ARHGAP35: variants seen among roughly 807,000 people sequenced by gnomAD.
ARHGAP35 encodes the protein Rho GTPase activating protein 35.
A neutral mutation model predicts 111.1 loss-of-function variants in ARHGAP35; 15 were observed. The observed-to-expected ratio is 0.13, with a 90% CI of 0.09 to 0.21. The LOEUF is 0.21. Ranked by LOEUF, ARHGAP35 falls within the 10% of genes least tolerant of loss-of-function variation. The probability of loss-of-function intolerance (pLI) is 1.00; values close to 1 mark genes in which losing one functional copy is unlikely to be tolerated. For missense variants in ARHGAP35, 1,262 were observed against 1,873.0 expected (o/e 0.67, Z 6.02); for synonymous variants, 643 against 710.3 (o/e 0.91, Z 1.51).
intron 2 of ARHGAP35, among the ~76,000 whole-genome samples, chr19:46,928,988 C>T (rs567798849): frequency 1.0e-4 from 8 of 77,076 alleles, no homozygotes; most frequent in South Asian, 1.1e-3. Context: ...GACATGTCTC[C>T]GTTTCTTTCT....
chr19:46,907,132 A>G (rs528473070), intron 1 of ARHGAP35, among the ~76,000 whole-genome samples: 1 of 152,296 alleles, frequency 6.6e-6, no homozygotes, highest in South Asian at 2.1e-4. Flanking sequence ...TATTAATAAT[A>G]AGAAATATGT....
At position 46,999,119 on chromosome 19, in the gene ARHGAP35, G is replaced by C. The variant is rs2056731912; in HGVS notation, c.4037-185G>C. 1 of 587,738 alleles carries C rather than the reference G, an allele frequency of 1.7e-6. No homozygotes were observed. The highest frequency in any genetic ancestry group is 3.0e-6 in the Non-Finnish European group (1 of 330,672). 36.4% of individuals were successfully genotyped at this position (587,738 alleles called of 1,614,324 possible). Reference sequence around the variant, plus strand: ...GGGCCTGGGACACAGAGGTGGGCCAGACCCCTGGGCCAGTGCCACTGCCAG... The same window carrying C: ...GGGCCTGGGACACAGAGGTGGGCCACACCCCTGGGCCAGTGCCACTGCCAG... On this transcript the variant is annotated intron_variant, in intron 5 of 6. Transcript: ENST00000672722. This position sits in a 1 kb window ranked among gnomAD's most constrained non-coding sequence, Gnocchi z 5.4.
chr19:46,978,720 T>C (rs1239054006), intron 3 of ARHGAP35, among the ~76,000 whole-genome samples: 114 of 31,820 alleles, frequency 3.6e-3, no homozygotes, highest in African/African-American at 0.017. Flanking sequence ...TGTGGTGGGA[T>C]GTGTGTGTGG....
intron 3 of ARHGAP35, among the ~76,000 whole-genome samples, chr19:46,953,192 C>T (rs1219112503): frequency 1.3e-5 from 2 of 152,022 alleles, no homozygotes; most frequent in African/African-American, 2.4e-5. Flanking sequence ...CATTATAACC[C>T]GGGGGGAGAC....
intron 2 of ARHGAP35, among the ~76,000 whole-genome samples, chr19:46,930,211 T>C (rs2056264628): frequency 6.6e-6 from 1 of 151,772 alleles, no homozygotes; most frequent in South Asian, 2.1e-4. Flanking sequence ...TACAAAATAT[T>C]ATCTGGGCGC....
intron 1 of ARHGAP35, among the ~76,000 whole-genome samples, chr19:46,886,752 T>C (rs2055995047): frequency 6.7e-6 from 1 of 150,142 alleles, no homozygotes; most frequent in African/African-American, 2.4e-5. Context: ...TGCGATATGA[T>C]TGAATTTCTA....
intron 1 of ARHGAP35, among the ~76,000 whole-genome samples, chr19:46,898,588 A>T (rs1397295156): frequency 6.6e-6 from 1 of 152,122 alleles, no homozygotes; most frequent in African/African-American, 2.4e-5. Context: ...TTATTGTATC[A>T]GTTATTGTCC....
intron 1 of ARHGAP35, among the ~76,000 whole-genome samples, chr19:46,886,391 T>G (rs1395548627): frequency 2.0e-5 from 3 of 147,918 alleles, no homozygotes; most frequent in Non-Finnish European, 3.0e-5. Flanking sequence ...GTAAGGGAGG[T>G]TTTTTTTTTC....
chr19:47,000,345 A>G lies in ARHGAP35; in HGVS notation c.4157A>G (p.Asn1386Ser), dbSNP rs903001277. The G allele has an allele frequency of 6.2e-7, 1 of 1,613,828 alleles. No individual in the cohort carries two copies. The highest frequency in any genetic ancestry group is 8.5e-7 in the Non-Finnish European group (1 of 1,179,824). Reference protein sequence around the residue: ...ISHLNKVSHNNKVNLMTSENL... With the variant: ...ISHLNKVSHNSKVNLMTSENL... ...GTCGCCCGCAGGGTCAGCCACAACA[A>G]CAAGGTGAATCTCATGACCAGCGAG... Residue 1386 changes from asparagine to serine, a missense_variant, in exon 7 of 7, where the codon AAC (asparagine) becomes AGC (serine). Physicochemically the swap from Asn to Ser is conservative, Grantham distance 46 (BLOSUM62 1). Transcript: ENST00000672722. This position sits in a 1 kb window ranked among gnomAD's most constrained non-coding sequence, Gnocchi z 6.9.
intron 1 of ARHGAP35, among the ~76,000 whole-genome samples, chr19:46,907,539 C>T (rs2056116343): frequency 6.6e-6 from 1 of 151,588 alleles, no homozygotes; most frequent in Non-Finnish European, 1.5e-5. Flanking sequence ...CCAGCAGTGG[C>T]GCGAACTCGG....
intron 3 of ARHGAP35, among the ~76,000 whole-genome samples, chr19:46,977,919 C>T (rs1002699953): frequency 3.9e-5 from 6 of 152,172 alleles, no homozygotes; most frequent in African/African-American, 7.2e-5. Context: ...CCCAGAGTGC[C>T]GGCACTGCGT....
At position 46,922,367 on chromosome 19, in the gene ARHGAP35, A is replaced by AGTGTCTTATGTCTTAT. The variant is rs749571545; in HGVS notation, c.3681+13_3681+14insGTCTTATGTCTTATGT. The AGTGTCTTATGTCTTAT allele has an allele frequency of 5.8e-6, 9 of 1,564,450 alleles. No homozygotes were observed. The South Asian group carries it at 9.7e-5, about 17-fold the overall frequency. Reference sequence around the variant, plus strand: ...AGGAGGAACACTAAGGTAAGACACCAGTCTAGGATTAGTCATAGTGTTTTG... The same window carrying AGTGTCTTATGTCTTAT: ...AGGAGGAACACTAAGGTAAGACACCAGTGTCTTATGTCTTATGTCTAGGATTAGTCATAGTGTTTTG... On this transcript the variant is annotated intron_variant, in intron 2 of 6. Coordinates refer to ENST00000672722, the MANE Select transcript of ARHGAP35 (RefSeq NM_004491.5). The surrounding 1 kb of genome is among the most constrained non-coding windows in gnomAD (Gnocchi z 4.0).
At chr19:46,961,185 G>C (rs564024610) in intron 3 of ARHGAP35, among the ~76,000 whole-genome samples, 2 of 152,164 alleles carry the variant, frequency 1.3e-5, no homozygotes, top group Non-Finnish European at 2.9e-5. Context: ...ATGAGCTGCC[G>C]CGCCCAGCCA....
chr19:46,889,930 T>C (rs1445245979), intron 1 of ARHGAP35, among the ~76,000 whole-genome samples: 1 of 152,176 alleles, frequency 6.6e-6, no homozygotes, highest in Non-Finnish European at 1.5e-5. Flanking sequence ...GCAAAGGTTA[T>C]AGGAACTTGA....
At chr19:46,997,885 G>C (rs1475753598) in intron 5 of ARHGAP35, 1 of 152,252 alleles carries the variant, frequency 6.6e-6, no homozygotes, top group South Asian at 2.1e-4. Flanking sequence ...GGTGGATCAC[G>C]AGGTCAGGAG....
intron 1 of ARHGAP35, among the ~76,000 whole-genome samples, chr19:46,889,473 A>G (rs1283598922): frequency 6.6e-6 from 1 of 152,026 alleles, no homozygotes; most frequent in Non-Finnish European, 1.5e-5. Flanking sequence ...AACAAAAACA[A>G]AGACAAAGAA....
chr19:46,996,923 C>A (rs987988612), intron 5 of ARHGAP35, among the ~76,000 whole-genome samples: 9 of 152,150 alleles, frequency 5.9e-5, no homozygotes, highest in Non-Finnish European at 1.3e-4. Context: ...TTTGGGAGGC[C>A]GAGGCGGGTG....
At chr19:46,877,690 A>G (rs1457210325) in intron 1 of ARHGAP35, among the ~76,000 whole-genome samples, 1 of 152,158 alleles carries the variant, frequency 6.6e-6, no homozygotes, top group Non-Finnish European at 1.5e-5. Context: ...ACCTTTTTAA[A>G]AATTTAAATA....
chr19:46,944,456 A>G (rs747798022), intron 3 of ARHGAP35, among the ~76,000 whole-genome samples: 3 of 152,172 alleles, frequency 2.0e-5, no homozygotes, highest in Non-Finnish European at 4.4e-5. Flanking sequence ...TAGTCCCCCA[A>G]AACATTGAAG....
Sources: allele counts gnomAD v4.1 joint callset (sites outside exome capture counted in the v4.1 genomes callset), GRCh38; gene constraint gnomAD v4.1.1; non-coding constraint Gnocchi (gnomAD v3.1); transcripts MANE v1.5; gene names NCBI Gene and HGNC (gene_info 2026-07-23, HGNC 2026-07-21).